MAN2A1: variants seen among roughly 807,000 people sequenced by gnomAD.
MAN2A1 encodes mannosidase alpha class 2A member 1.
A neutral mutation model predicts 142.6 loss-of-function variants in MAN2A1; 76 were observed. That is an observed-to-expected ratio of 0.53 (90% confidence interval 0.44 to 0.65). The LOEUF is 0.65. MAN2A1 is among the 30% of genes least tolerant of loss of function. The pLI is 0.00. For synonymous variants in MAN2A1, 559 were observed against 473.2 expected (o/e 1.18, Z -2.35); for missense variants, 1,311 against 1,365.1 (o/e 0.96, Z 0.62).
intron 1 of MAN2A1, among the ~76,000 whole-genome samples, chr5:109,700,049 C>A (rs1246188477): frequency 6.6e-6 from 1 of 152,112 alleles, no homozygotes; most frequent in African/African-American, 2.4e-5. Flanking sequence ...TGGTGAGAAT[C>A]ATGCTATATT....
chr5:109,806,534 TTGTC>T (rs1754171183), intron 12 of MAN2A1, among the ~76,000 whole-genome samples: 1 of 152,222 alleles, frequency 6.6e-6, no homozygotes, highest in Non-Finnish European at 1.5e-5. Flanking sequence ...ACTTACTGCT[TTGTC>T]TGTTAGTATT....
Position 109,692,225 on chromosome 5 carries a change from C to A in MAN2A1, c.135+1673C>A, listed in dbSNP as rs73781623. The stretch of plus-strand genomic sequence containing the variant: ...AAAGCTAATTCCAGTATTGTAATAT[C>A]TATCCTTAGTCCTCAATGAGAGGCT... On this transcript the variant is annotated intron_variant, in intron 1 of 21. Coordinates refer to ENST00000261483, the MANE Select transcript of MAN2A1 (RefSeq NM_002372.4). Among the ~76,000 whole-genome samples the A allele has an allele frequency of 6.3e-3, 955 of 152,274 alleles. 14 individuals carry two copies. The highest frequency in any genetic ancestry group is 0.022 in the African/African-American group (896 of 41,546).
At chr5:109,832,724 GC>G (rs1441806798) in intron 16 of MAN2A1, among the ~76,000 whole-genome samples, 8 of 150,606 alleles carry the variant, frequency 5.3e-5, no homozygotes, top group Admixed American at 4.6e-4. Flanking sequence ...GGGCAGAGGG[GC>G]CCCCCCACTT....
intron 1 of MAN2A1, among the ~76,000 whole-genome samples, chr5:109,694,029 AG>A (rs1425885162): frequency 6.6e-6 from 1 of 152,220 alleles, no homozygotes; most frequent in Non-Finnish European, 1.5e-5. Flanking sequence ...AGATTTCACA[AG>A]GTGCTTACTA....
At chr5:109,833,333 G>T (rs925142263) in intron 16 of MAN2A1, among the ~76,000 whole-genome samples, 1 of 152,132 alleles carries the variant, frequency 6.6e-6, no homozygotes, top group African/African-American at 2.4e-5. Context: ...GGGAGGTGGA[G>T]GTTGTAGCGA....
chr5:109,863,693 C>T (rs1755811426), intron 20 of MAN2A1: 1 of 152,124 alleles, frequency 6.6e-6, no homozygotes, highest in Non-Finnish European at 1.5e-5. Context: ...ATGATAGAGT[C>T]CTGTTTCTTA....
chr5:109,710,240 CT>C (rs1361880201), intron 1 of MAN2A1, among the ~76,000 whole-genome samples: 1 of 151,988 alleles, frequency 6.6e-6, no homozygotes, highest in Non-Finnish European at 1.5e-5. Flanking sequence ...CTGTAGGATC[CT>C]TTTTTCATGA....
At chr5:109,816,789 G>C (rs996691803) in intron 12 of MAN2A1, among the ~76,000 whole-genome samples, 10 of 152,066 alleles carry the variant, frequency 6.6e-5, no homozygotes, top group African/African-American at 9.7e-5. Context: ...GTACAGAAAA[G>C]CTTTATTACA....
chr5:109,775,020 T>A (rs928768115), intron 8 of MAN2A1, 55 bp downstream of exon 8: 1 of 1,217,998 alleles, frequency 8.2e-7, no homozygotes, highest in African/African-American at 1.5e-5. Flanking sequence ...TATTATTAAA[T>A]GAGACTATAA....
intron 16 of MAN2A1, among the ~76,000 whole-genome samples, chr5:109,828,678 AC>A (rs1227229718): frequency 6.6e-6 from 1 of 152,168 alleles, no homozygotes; most frequent in Non-Finnish European, 1.5e-5. Flanking sequence ...GTGTGTGTAA[AC>A]CATGTTTTAA....
chr5:109,784,434 T>G (rs957447385), intron 9 of MAN2A1, among the ~76,000 whole-genome samples: 13 of 152,144 alleles, frequency 8.5e-5, no homozygotes, highest in African/African-American at 2.9e-4. Context: ...TTTCAGATTT[T>G]TTTCACTGTG....
At chr5:109,764,927 A>G (rs1454165229) in intron 5 of MAN2A1, among the ~76,000 whole-genome samples, 1 of 152,158 alleles carries the variant, frequency 6.6e-6, no homozygotes, top group Non-Finnish European at 1.5e-5. Flanking sequence ...TATCTTGTAC[A>G]TTGATTCATA....
At chr5:109,832,791 A>G (rs1469930896) in intron 16 of MAN2A1, among the ~76,000 whole-genome samples, 3 of 149,706 alleles carry the variant, frequency 2.0e-5, no homozygotes, top group Non-Finnish European at 4.4e-5. Context: ...TCCCTCCCGG[A>G]CGGGGCGGCT....
chr5:109,713,685 C>A lies in MAN2A1; in HGVS notation c.301C>A (p.His101Asn). 1 of 1,614,214 alleles carries A rather than the reference C, an allele frequency of 6.2e-7. No homozygotes were observed. The change falls in exon 2 of 22, where the codon CAT becomes AAT. Residue 101 changes from histidine to asparagine, a missense_variant. This residue lies in a region of MAN2A1 where 409 missense variants were observed against 412.7 expected (regional missense o/e 0.99). Transcript: ENST00000261483. ...CAATTTCAGCCAAGGTGCTGGCTCACATCTTCTGCCCTCACAATTATCCCT... is the reference window on the plus strand; with the variant it reads ...CAATTTCAGCCAAGGTGCTGGCTCAAATCTTCTGCCCTCACAATTATCCCT... ...QSNFSQGAGS[H>N]LLPSQLSLSV...
chr5:109,864,727 T>C (rs539833838), intron 20 of MAN2A1: 1 of 234,128 alleles, frequency 4.3e-6, no homozygotes, highest in African/African-American at 2.2e-5. Context: ...TGAATAAACT[T>C]TAATAAAACA....
intron 4 of MAN2A1, among the ~76,000 whole-genome samples, chr5:109,746,417 C>T (rs1752406329): frequency 6.6e-6 from 1 of 152,166 alleles, no homozygotes; most frequent in Admixed American, 6.6e-5. Flanking sequence ...CTCAGCCACT[C>T]CTGTCTCCTT....
At chr5:109,765,749 T>A (rs1362218742) in intron 5 of MAN2A1, among the ~76,000 whole-genome samples, 2 of 152,150 alleles carry the variant, frequency 1.3e-5, no homozygotes, top group East Asian at 3.8e-4. Context: ...TCATGGTTAA[T>A]ATTCACTGGG....
chr5:109,784,774 G>A lies in MAN2A1; in HGVS notation c.1608G>A (p.Leu536=). ...RAAEILYYFA[L]RQAHKYKINK... is the part of the protein sequence containing the mutation. ...CTGAAATTCTTTACTATTTCGCCCT[G>A]AGACAAGCTCACAAATACAAGATAA... Residue 536 remains leucine, a synonymous_variant, in exon 10 of 22, where the codon CTG becomes CTA. Transcript: ENST00000261483. 1.2e-6 allele frequency: 2 copies of A among 1,605,564 alleles called. No individual in the cohort carries two copies. Among genetic ancestry groups the A allele is most frequent in the East Asian group, 2.2e-5 (1 of 44,702 alleles).
chr5:109,859,924 A>G (rs1220147115), intron 20 of MAN2A1, among the ~76,000 whole-genome samples: 2 of 142,876 alleles, frequency 1.4e-5, no homozygotes, highest in African/African-American at 5.2e-5. Context: ...ATTTAGACAT[A>G]TTTATTTTAT....
Sources: allele counts gnomAD v4.1 joint callset (sites outside exome capture counted in the v4.1 genomes callset), GRCh38; gene constraint gnomAD v4.1.1; regional missense constraint gnomAD v4.1.1; transcripts MANE v1.5; gene names NCBI Gene and HGNC (gene_info 2026-07-23, HGNC 2026-07-21).